The following ZBTB21 variants were observed in gnomAD, a reference collection of about 807,000 sequenced individuals.
ZBTB21 encodes zinc finger and BTB domain containing 21.
A neutral mutation model predicts 39.8 loss-of-function variants in ZBTB21; 10 were observed. The ratio of observed to expected loss-of-function variants is 0.25; its 90% confidence interval spans 0.16 to 0.43. The LOEUF (loss-of-function observed/expected upper bound fraction) is 0.43. Ranked by LOEUF, ZBTB21 falls within the 20% of genes least tolerant of loss-of-function variation. The pLI is 1.00. For synonymous variants in ZBTB21, 551 were observed against 498.8 expected (o/e 1.10, Z -1.40); for missense variants, 1,221 against 1,296.3 (o/e 0.94, Z 0.89).
chr21:42,006,018 T>C (rs1437656188), intron 1 of ZBTB21, among the ~76,000 whole-genome samples: 1 of 152,254 alleles, frequency 6.6e-6, no homozygotes, highest in Non-Finnish European at 1.5e-5. Context: ...CCAGCTTTGA[T>C]CCTGTTTAAA....
chr21:42,010,060 G>A (rs1031788283), intron 1 of ZBTB21, among the ~76,000 whole-genome samples, 192 bp downstream of exon 1: 1 of 152,270 alleles, frequency 6.6e-6, no homozygotes, highest in African/African-American at 2.4e-5. Flanking sequence ...GGGAACCCGG[G>A]ACATGCTCGG....
chr21:41,991,909 A>G lies in ZBTB21; in HGVS notation c.2187T>C (p.Ala729=). ...KEVYQCRLCN[A]KLSSLLEQGS... is the part of the protein sequence containing the mutation. ...CTTGCTCTAGGAGAGAAGAGAGCTT[A>G]GCATTACAGAGGCGGCACTGGTAAA... The change falls in exon 3 of 3, where the codon GCT becomes GCC. Residue 729 remains alanine (A), a synonymous_variant. Coordinates refer to ENST00000310826, the MANE Select transcript of ZBTB21 (RefSeq NM_001098402.2). This position sits in a 1 kb window ranked among gnomAD's most constrained non-coding sequence, Gnocchi z 4.9. The G allele has an allele frequency of 6.2e-7, 1 of 1,614,162 alleles. No homozygotes were observed. Among genetic ancestry groups the G allele is most frequent in the South Asian group, 1.1e-5 (1 of 91,084 alleles).
rs768025560 is a variant in ZBTB21 at position 41,992,758 on chromosome 21, G to C, written c.1338C>G (p.Val446=). Residue 446 remains valine (V), a synonymous_variant, in exon 3 of 3, where the codon GTC becomes GTG. Transcript: ENST00000310826. This position sits in a 1 kb window ranked among gnomAD's most constrained non-coding sequence, Gnocchi z 4.1. ...CTGTTGTTGCCGCATCTCCCACAGT[G>C]ACGCGGATGATGTCCGAGGGGTCCG... The part of the protein sequence containing the change: ...PLSDPSDIIR[V]TVGDAATTAA... 1 of 1,613,964 alleles carries C rather than the reference G, an allele frequency of 6.2e-7. No individual in the cohort carries two copies. Among genetic ancestry groups the C allele is most frequent in the Non-Finnish European group, 8.5e-7 (1 of 1,180,038 alleles).
In ZBTB21 at chr21:41,988,420, T is replaced by C. The variant is rs1005847377; in HGVS notation, c.*2475A>G. 1 of 152,370 alleles carries C rather than the reference T, an allele frequency of 6.6e-6. No individual in the cohort carries two copies. Among genetic ancestry groups the C allele is most frequent in the East Asian group, 1.9e-4 (1 of 5,192 alleles). 9.4% of individuals were successfully genotyped at this position (152,370 alleles called of 1,614,324 possible). On this transcript the variant is annotated 3_prime_UTR_variant, in exon 3 of 3. Transcript: ENST00000310826. The stretch of plus-strand genomic sequence containing the variant: ...GCAACAATTTAAGACCAACTTGTTT[T>C]ACACCAAGTATTTGCCTACTGGCTG...
At chr21:42,009,811 G>A (rs977161037) in intron 1 of ZBTB21, among the ~76,000 whole-genome samples, 1 of 152,016 alleles carries the variant, frequency 6.6e-6, no homozygotes, top group African/African-American at 2.4e-5. Context: ...ACACCCCGCG[G>A]CCCGGGCCGC....
At position 41,987,647 on chromosome 21, in the gene ZBTB21, T is replaced by C. The variant is rs141106750; in HGVS notation, c.*3248A>G. On this transcript the variant is annotated 3_prime_UTR_variant, in exon 3 of 3. Coordinates refer to ENST00000310826, the MANE Select transcript of ZBTB21 (RefSeq NM_001098402.2). ...GAAATCTATTTGGAATTATACCTAA[T>C]TACTTTTTACTAAGAAACTTCAAAT... is the stretch of plus-strand genomic sequence containing the variant. The C allele has an allele frequency of 7.5e-4, 115 of 152,328 alleles. No individual in the cohort carries two copies. Among genetic ancestry groups the C allele is most frequent in the African/African-American group, 2.7e-3 (111 of 41,572 alleles). The allele number at this position is 152,328 out of a possible 1,614,324, so 9.4% of individuals were successfully genotyped here.
In ZBTB21 at chr21:41,992,628, G is replaced by T. The variant is rs921242245; in HGVS notation, c.1468C>A (p.Arg490=). ...LPAKRRFQAD[R]RLPFKKLKVN... ...TTTAACTTCTTAAACGGCAATCTTC[G>T]GTCCGCTTGGAACCTCCTTTTTGCT... Residue 490 remains arginine, a synonymous_variant, in exon 3 of 3, where the codon CGA becomes AGA. Coordinates refer to ENST00000310826, the MANE Select transcript of ZBTB21 (RefSeq NM_001098402.2). The surrounding 1 kb of genome is among the most constrained non-coding windows in gnomAD (Gnocchi z 4.1). The T allele has an allele frequency of 2.5e-6, 4 of 1,613,934 alleles. No homozygotes were observed. The highest frequency in any genetic ancestry group is 3.4e-6 in the Non-Finnish European group (4 of 1,180,022).
In ZBTB21 at chr21:41,993,066, A is replaced by G. The variant is rs576741456; in HGVS notation, c.1030T>C (p.Leu344=). 9 of 1,614,232 alleles carry G rather than the reference A, an allele frequency of 5.6e-6. No homozygotes were observed. The highest frequency in any genetic ancestry group is 1.7e-5 in the Admixed American group (1 of 60,032). The part of the protein sequence containing the change: ...PLVKSLLRRS[L]SMDSQVPVYS... ...ACAGGAACCTGGCTATCCATCGACAATGACCGTCTGAGGAGACTCTTAACA... is the reference window on the plus strand; with the variant it reads ...ACAGGAACCTGGCTATCCATCGACAGTGACCGTCTGAGGAGACTCTTAACA... Residue 344 remains leucine, a synonymous_variant, in exon 3 of 3, where the codon TTG becomes CTG. Coordinates refer to ENST00000310826, the MANE Select transcript of ZBTB21 (RefSeq NM_001098402.2).
chr21:41,999,569 G>A (rs1428954222), intron 2 of ZBTB21, among the ~76,000 whole-genome samples: 1 of 152,136 alleles, frequency 6.6e-6, no homozygotes, highest in Non-Finnish European at 1.5e-5. Context: ...GCTATTGTGG[G>A]AATTAAATAA....
chr21:41,990,969 ACTGT>A lies in ZBTB21; in HGVS notation c.3123_3126del (p.Arg1041SerfsTer55), dbSNP rs761927764. Reference sequence around the variant, plus strand: ...GTCCTGTGGCAAAGTTTACACATAAACTGTCTTTTAAATGTGATTGCTGAAAGGG... The same window carrying A: ...GTCCTGTGGCAAAGTTTACACATAAACTTTTAAATGTGATTGCTGAAAGGG... On this transcript the variant is annotated frameshift_variant, in exon 3 of 3. Coordinates refer to ENST00000310826, the MANE Select transcript of ZBTB21 (RefSeq NM_001098402.2). LOFTEE classifies it high-confidence loss of function. 1 of 1,525,186 alleles carries A rather than the reference ACTGT, an allele frequency of 6.6e-7. No individual in the cohort carries two copies. The highest frequency in any genetic ancestry group is 8.8e-7 in the Non-Finnish European group (1 of 1,138,284). The allele number at this position is 1,525,186 out of a possible 1,614,324, so 94.5% of individuals were successfully genotyped here. A position where few individuals can be genotyped will look rare whatever the true frequency, so the allele number is the denominator to read the frequency against.
intron 2 of ZBTB21, among the ~76,000 whole-genome samples, chr21:42,000,086 G>C (rs2065799522): frequency 1.3e-5 from 2 of 152,078 alleles, no homozygotes; most frequent in Admixed American, 6.6e-5. Context: ...TAGCAACGGA[G>C]GTAAAGGCAG....
intron 2 of ZBTB21, among the ~76,000 whole-genome samples, chr21:42,002,138 A>G (rs2065825299): frequency 6.6e-6 from 1 of 152,206 alleles, no homozygotes; most frequent in Non-Finnish European, 1.5e-5. Context: ...CCCAGGATCT[A>G]GAGACTCTAG....
In ZBTB21 at chr21:41,991,422, C is replaced by T. The variant is rs150969897; in HGVS notation, c.2674G>A (p.Glu892Lys). The change falls in exon 3 of 3, where the codon GAG becomes AAG. Residue 892 changes from glutamate to lysine, a missense_variant. Physicochemically the swap from Glu to Lys is moderately conservative, Grantham distance 56. Around this residue, in one of 4 missense-constraint regions of ZBTB21, gnomAD observed 523 missense variants for 542.5 expected, o/e 0.96. Transcript: ENST00000310826. The surrounding 1 kb of genome is among the most constrained non-coding windows in gnomAD (Gnocchi z 4.9). ...PVEEAEEEAP[E>K]ASTAPKEAGP... ...GCTTCTTTGGGGGCTGTGCTGGCCTCGGGTGCCTCTTCTTCAGCCTCCTCC... is the reference window on the plus strand; with the variant it reads ...GCTTCTTTGGGGGCTGTGCTGGCCTTGGGTGCCTCTTCTTCAGCCTCCTCC... 1.6e-5 allele frequency: 25 copies of T among 1,611,992 alleles called. No homozygotes were observed. Among genetic ancestry groups the T allele is most frequent in the Non-Finnish European group, 2.0e-5 (23 of 1,179,358 alleles).
At chr21:42,003,037 C>T (rs1202541122) in intron 1 of ZBTB21, 76 bp from the exon 2 acceptor site, 4 of 152,230 alleles carry the variant, frequency 2.6e-5, no homozygotes, top group Non-Finnish European at 4.4e-5. Flanking sequence ...AAAAGCCTTT[C>T]GAATCAGTCT....
intron 2 of ZBTB21, among the ~76,000 whole-genome samples, chr21:41,994,451 G>T (rs1191336869): frequency 2.0e-5 from 3 of 152,110 alleles, no homozygotes; most frequent in Non-Finnish European, 4.4e-5. Flanking sequence ...TTGATGCTTG[G>T]CACTATTCCT....
At position 41,991,861 on chromosome 21, in the gene ZBTB21, C is replaced by A. The variant is rs1276076626; in HGVS notation, c.2235G>T (p.Arg745=). ...TGCAGTAAGGGCAGACGGCCGCGTT[C>A]CGGCACAGCCGCTCGTGGCTTCCTT... is the stretch of plus-strand genomic sequence containing the variant. ...LEQGSHERLC[R]NAAVCPYCSL... Residue 745 remains arginine, a synonymous_variant, in exon 3 of 3, where the codon CGG becomes CGT. Coordinates refer to ENST00000310826, the MANE Select transcript of ZBTB21 (RefSeq NM_001098402.2). This position sits in a 1 kb window ranked among gnomAD's most constrained non-coding sequence, Gnocchi z 4.9. The A allele has an allele frequency of 4.3e-6, 7 of 1,614,042 alleles. No individual in the cohort carries two copies. Among genetic ancestry groups the A allele is most frequent in the African/African-American group, 2.7e-5 (2 of 74,942 alleles).
In ZBTB21 at chr21:41,993,415, A is replaced by G. The variant is rs2065698953; in HGVS notation, c.681T>C (p.Asp227=). 1 of 1,614,126 alleles carries G rather than the reference A, an allele frequency of 6.2e-7. No homozygotes were observed. Among genetic ancestry groups the G allele is most frequent in the South Asian group, 1.1e-5 (1 of 91,094 alleles). Residue 227 remains aspartate, a synonymous_variant, in exon 3 of 3, where the codon GAT becomes GAC. Transcript: ENST00000310826. ...AKSLEHSGSL[D]DPNRISLVKR... Reference sequence around the variant, plus strand: ...TCACCAAACTGATTCTATTAGGATCATCCAAAGATCCAGAATGCTCAAGAG... The same window carrying G: ...TCACCAAACTGATTCTATTAGGATCGTCCAAAGATCCAGAATGCTCAAGAG...
rs911512275 is a variant in ZBTB21 at position 41,991,244 on chromosome 21, C to T, written c.2852G>A (p.Arg951Gln). 1.2e-6 allele frequency: 2 copies of T among 1,614,052 alleles called. No homozygotes were observed. The highest frequency in any genetic ancestry group is 1.7e-6 in the Non-Finnish European group (2 of 1,180,022). The change falls in exon 3 of 3, where the codon CGA becomes CAA. Residue 951 changes from arginine to glutamine, a missense_variant. By Grantham distance (43) the Arg-to-Gln change is conservative. Coordinates refer to ENST00000310826, the MANE Select transcript of ZBTB21 (RefSeq NM_001098402.2). This position sits in a 1 kb window ranked among gnomAD's most constrained non-coding sequence, Gnocchi z 4.9. Reference protein sequence around the residue: ...VCNKAFRTNFRLWSHFQSHMS... With the variant: ...VCNKAFRTNFQLWSHFQSHMS... ...GTGCGATTGGAAGTGACTCCAGAGT[C>T]GAAAATTAGTGCGAAAAGCTTTGTT...
intron 1 of ZBTB21, among the ~76,000 whole-genome samples, chr21:42,008,828 A>T (rs2065917221): frequency 6.6e-6 from 1 of 152,218 alleles, no homozygotes; most frequent in African/African-American, 2.4e-5. Context: ...CAGCACTTCA[A>T]ATTTTGACTT....
Sources: gnomAD v4.1 joint callset for allele counts (sites outside exome capture counted in the v4.1 genomes callset) on GRCh38, gnomAD v4.1.1 for gene constraint, gnomAD v4.1.1 regional missense constraint, Gnocchi (gnomAD v3.1) non-coding constraint, MANE v1.5 for transcripts, NCBI Gene and HGNC (gene_info 2026-07-23, HGNC 2026-07-21) for gene names.